Variants in FLG observed in about 807,000 individuals in gnomAD.
FLG encodes epidermal filaggrin.
A neutral mutation model predicts 3.8 loss-of-function variants in FLG; 6 were observed. The ratio of observed to expected loss-of-function variants is 1.60; its 90% CI spans 0.87 to 3.15. The LOEUF (loss-of-function observed/expected upper bound fraction) is 3.15, where lower values mean the gene tolerates loss of function less well. Ranked by LOEUF, FLG falls within the 30% of genes most tolerant of loss-of-function variation. FLG has a pLI of 0.00. For missense variants in FLG, 7,595 were observed against 5,050.9 expected (o/e 1.50, Z -15.27); for synonymous variants, 2,551 against 1,931.6 (o/e 1.32, Z -8.41).
chr1:152,304,509 G>T lies in FLG; in HGVS notation c.10377C>A (p.His3459Gln), dbSNP rs1456835232. ...TGGTGTGGCTGTGATGGGACCCTGAGTGTCCAGACCTATCTACCGATTGCT... is the reference window on the plus strand; with the variant it reads ...TGGTGTGGCTGTGATGGGACCCTGATTGTCCAGACCTATCTACCGATTGCT... ...HYEQSVDRSG[H>Q]SGSHHSHTTS... is the part of the protein sequence containing the mutation. Residue 3459 changes from histidine (H) to glutamine (Q), a missense_variant, in exon 3 of 3, where the codon CAC (histidine) becomes CAA (glutamine). By Grantham distance (24) the His-to-Gln change is conservative. Coordinates refer to ENST00000368799, the MANE Select transcript of FLG (RefSeq NM_002016.2). 2 of 1,612,900 alleles carry T rather than the reference G, an allele frequency of 1.2e-6. No individual in the cohort carries two copies.
In FLG at chr1:152,314,489, T is replaced by A; in HGVS notation, c.397A>T (p.Asn133Tyr). 1 of 1,613,790 alleles carries A rather than the reference T, an allele frequency of 6.2e-7. No homozygotes were observed. Among genetic ancestry groups the A allele is most frequent in the Non-Finnish European group, 8.5e-7 (1 of 1,179,852 alleles). ...GATCTTCCCTTATTCCCTTTTCTATTGTTTCTTCTTTCCAGACTTGAGGGT... is the reference window on the plus strand; with the variant it reads ...GATCTTCCCTTATTCCCTTTTCTATAGTTTCTTCTTTCCAGACTTGAGGGT... ...KRPSSLERRN[N>Y]RKGNKGRSKS... Residue 133 changes from asparagine to tyrosine, a missense_variant, in exon 3 of 3, where the codon AAT becomes TAT. Transcript: ENST00000368799.
In FLG at chr1:152,304,573, G is replaced by A. The variant is rs371915215; in HGVS notation, c.10313C>T (p.Pro3438Leu). 2.2e-5 allele frequency: 36 copies of A among 1,610,316 alleles called. No homozygotes were observed. Among genetic ancestry groups the A allele is most frequent in the African/African-American group, 1.6e-4 (12 of 74,386 alleles). Residue 3438 changes from proline to leucine, a missense_variant, in exon 3 of 3, where the codon CCG becomes CTG. By Grantham distance (98) the Pro-to-Leu change is moderately conservative (BLOSUM62 -3). Coordinates refer to ENST00000368799, the MANE Select transcript of FLG (RefSeq NM_002016.2). ...CTGCCTTCCTCTTCTGCTTGACCCC[G>A]GGTGTCCACGAATGGTGTCCTGACC... is the stretch of plus-strand genomic sequence containing the variant. ...QEGQDTIRGHPGSSRRGRQGS... is the reference protein window; with the variant it reads ...QEGQDTIRGHLGSSRRGRQGS...
Position 152,310,002 on chromosome 1 carries a change from A to G in FLG, c.4884T>C (p.His1628=), listed in dbSNP as rs748626221. ...HYGSAREQSR[H]GSRNPRSHQE... ...GATGGGACCTGGGGTTCCTGGAGCC[A>G]TGTCTTGACTGCTCCCGAGCAGATC... The change falls in exon 3 of 3, where the codon CAT becomes CAC. Residue 1628 remains histidine, a synonymous_variant. Coordinates refer to ENST00000368799, the MANE Select transcript of FLG (RefSeq NM_002016.2). 7.2e-5 allele frequency: 116 copies of G among 1,613,810 alleles called. 1 individual carries two copies. The highest frequency in any genetic ancestry group is 7.8e-5 in the Non-Finnish European group (92 of 1,179,990).
Position 152,309,552 on chromosome 1 carries a change from G to T in FLG, c.5334C>A (p.Ala1778=), listed in dbSNP as rs768385534. ...QVSTHEQSES[A]HGRTGPSTGG... is the part of the protein sequence containing the mutation. ...CAGTGCTGGGCCCTGTGCGTCCATG[G>T]GCGGACTCAGACTGTTCATGAGTGC... Residue 1778 remains alanine, a synonymous_variant, in exon 3 of 3, where the codon GCC becomes GCA. Coordinates refer to ENST00000368799, the MANE Select transcript of FLG (RefSeq NM_002016.2). 1 of 1,613,842 alleles carries T rather than the reference G, an allele frequency of 6.2e-7. No homozygotes were observed. The highest frequency in any genetic ancestry group is 8.5e-7 in the Non-Finnish European group (1 of 1,179,948).
Position 152,314,083 on chromosome 1 carries a change from G to A in FLG, c.803C>T (p.Ser268Leu). 2 of 1,614,194 alleles carry A rather than the reference G, an allele frequency of 1.2e-6. No individual in the cohort carries two copies. The highest frequency in any genetic ancestry group is 1.7e-6 in the Non-Finnish European group (2 of 1,180,026). The change falls in exon 3 of 3, where the codon TCA (serine) becomes TTA (leucine). Residue 268 changes from serine (S) to leucine (L), a missense_variant. Ser to Leu is a moderately radical substitution (Grantham distance 145). Coordinates refer to ENST00000368799, the MANE Select transcript of FLG (RefSeq NM_002016.2). ...ERSRSSDGKSSSQVNRSRHEN... is the reference protein window; with the variant it reads ...ERSRSSDGKSLSQVNRSRHEN... ...ATGTCTTGACCTGTTCACTTGAGATGATGATTTGCCATCAGATGACCTTGA... is the reference window on the plus strand; with the variant it reads ...ATGTCTTGACCTGTTCACTTGAGATAATGATTTGCCATCAGATGACCTTGA...
Position 152,313,523 on chromosome 1 carries a change from G to A in FLG, c.1363C>T (p.Arg455Cys), listed in dbSNP as rs757922040. Residue 455 changes from arginine (R) to cysteine (C), a missense_variant, in exon 3 of 3, where the codon CGT becomes TGT. Transcript: ENST00000368799. ...LRQQSHQEST[R>C]GRSGERSGRS... is the part of the protein sequence containing the mutation. ...CCAGACCGTTCCCCTGACCGGCCACGTGTGGACTCTTGGTGGCTCTGCTGT... is the reference window on the plus strand; with the variant it reads ...CCAGACCGTTCCCCTGACCGGCCACATGTGGACTCTTGGTGGCTCTGCTGT... The A allele has an allele frequency of 7.4e-6, 12 of 1,613,826 alleles. No individual in the cohort carries two copies. Among genetic ancestry groups the A allele is most frequent in the South Asian group, 5.5e-5 (5 of 91,054 alleles).
In FLG at chr1:152,304,842, T is replaced by G. The variant is rs750237149; in HGVS notation, c.10044A>C (p.Glu3348Asp). 6.2e-7 allele frequency: 1 copy of G among 1,613,876 alleles called. No homozygotes were observed. Among genetic ancestry groups the G allele is most frequent in the Non-Finnish European group, 8.5e-7 (1 of 1,179,952 alleles). ...SQASDSEGHS[E>D]ESDTQSVSGH... ...CTGACACTGACTGTGTGTCTGACTC[T>G]TCTGAATGTCCCTCACTATCACTGG... The change falls in exon 3 of 3, where the codon GAA (glutamate) becomes GAC (aspartate). Residue 3348 changes from glutamate to aspartate, a missense_variant. Glu to Asp is a conservative substitution (Grantham distance 45). Transcript: ENST00000368799.
chr1:152,311,561 C>A lies in FLG; in HGVS notation c.3325G>T (p.Gly1109Ter). 1.2e-6 allele frequency: 2 copies of A among 1,613,958 alleles called. No individual in the cohort carries two copies. The highest frequency in any genetic ancestry group is 8.5e-7 in the Non-Finnish European group (1 of 1,180,006). ...HQESARDWSG[G>*]RSGRSGSFIY... ...AAAGACCCTGAACGTCCAGACCTTC[C>A]CCCTGACCAGTCACGTGCGGACTCT... Residue 1109 changes from glycine to a stop codon, truncating the protein, a stop_gained, in exon 3 of 3, where the codon GGA becomes TGA. Coordinates refer to ENST00000368799, the MANE Select transcript of FLG (RefSeq NM_002016.2). LOFTEE classifies it low-confidence loss of function (END_TRUNC).
At position 152,303,636 on chromosome 1, in the gene FLG, C is replaced by T. The variant is rs201725426; in HGVS notation, c.11250G>A (p.Ala3750=). The T allele has an allele frequency of 1.0e-4, 163 of 1,613,902 alleles. No individual in the cohort carries two copies. The highest frequency in any genetic ancestry group is 6.7e-4 in the Admixed American group (40 of 59,940). ...GAATGGTGTCCTGACCCTCTTGGGA[C>T]GCTGAGTGCCTGGAGCTGTCTCGTG... ...EQARDSSRHS[A]SQEGQDTIRG... is the part of the protein sequence containing the mutation. The change falls in exon 3 of 3, where the codon GCG becomes GCA. Residue 3750 remains alanine, a synonymous_variant. Transcript: ENST00000368799.
At position 152,313,160 on chromosome 1, in the gene FLG, G is replaced by T. The variant is rs746509488; in HGVS notation, c.1726C>A (p.Gln576Lys). 6 of 1,613,828 alleles carry T rather than the reference G, an allele frequency of 3.7e-6. No individual in the cohort carries two copies. Among genetic ancestry groups the T allele is most frequent in the Non-Finnish European group, 5.1e-6 (6 of 1,179,990 alleles). ...GAGTGCCTGGTGCCGTCTCCTGATT[G>T]TTCCTCATTTCGTGTTTGTCTGCTT... ...SASRQTRNEE[Q>K]SGDGTRHSGS... The change falls in exon 3 of 3, where the codon CAA becomes AAA. Residue 576 changes from glutamine (Q) to lysine (K), a missense_variant. Coordinates refer to ENST00000368799, the MANE Select transcript of FLG (RefSeq NM_002016.2).
In FLG at chr1:152,321,073, CAT is replaced by C. The variant is rs577097436; in HGVS notation, c.-22+4114_-22+4115del. 6.1e-4 allele frequency among the ~76,000 whole-genome samples: 92 copies of C among 150,748 alleles called. 1 individual carries two copies. Among genetic ancestry groups the C allele is most frequent in the African/African-American group, 2.2e-3 (92 of 41,364 alleles). ...TAGCCTATATATATATACACACACA[CAT>C]ATATACATATATACACTCACATATA... On this transcript the variant is annotated intron_variant, in intron 1 of 2. Transcript: ENST00000368799.
At chr1:152,319,304 G>A (rs1652880668) in intron 1 of FLG, among the ~76,000 whole-genome samples, 1 of 133,212 alleles carries the variant, frequency 7.5e-6, no homozygotes, top group Non-Finnish European at 1.6e-5. Flanking sequence ...AATACAACTA[G>A]AAAATGTGTG....
chr1:152,321,577 A>AAT (rs1030325084), intron 1 of FLG, among the ~76,000 whole-genome samples: 1 of 131,252 alleles, frequency 7.6e-6, no homozygotes, highest in African/African-American at 3.2e-5. Context: ...ACATAGAAGA[A>AAT]ATGTCTAGAA....
rs752353768 is a variant in FLG, at chr1:152,308,332, C to T, written c.6554G>A (p.Gly2185Glu). Residue 2185 changes from glycine (G) to glutamate (E), a missense_variant, in exon 3 of 3, where the codon GGA becomes GAA. Gly to Glu is a moderately conservative substitution (Grantham distance 98, BLOSUM62 -2). Transcript: ENST00000368799. ...GRSDASRGQS[G>E]SRSASRKTYD... ...TGTTTTTCTGCTTGCACTTCTGGATCCTGACTGCCCACGGGAGGCATCAGA... is the reference window on the plus strand; with the variant it reads ...TGTTTTTCTGCTTGCACTTCTGGATTCTGACTGCCCACGGGAGGCATCAGA... 13 of 1,613,618 alleles carry T rather than the reference C, an allele frequency of 8.1e-6. No individual in the cohort carries two copies. In the African/African-American group the frequency reaches 1.6e-4, roughly 20 times the overall value.
Position 152,310,771 on chromosome 1 carries a change from C to G in FLG, c.4115G>C (p.Gly1372Ala), listed in dbSNP as rs377623637. ...AGATGAAGCTTGTCTGTGCCCAATG[C>G]CTGAGTGTCTGGAGCTGTCTGCTGA... ...QQSADSSRHS[G>A]IGHRQASSAV... The change falls in exon 3 of 3, where the codon GGC becomes GCC. Residue 1372 changes from glycine (G) to alanine (A), a missense_variant. By Grantham distance (60) the Gly-to-Ala change is moderately conservative (BLOSUM62 0). Transcript: ENST00000368799. 2 of 1,613,728 alleles carry G rather than the reference C, an allele frequency of 1.2e-6. No individual in the cohort carries two copies. The highest frequency in any genetic ancestry group is 1.7e-5 in the Admixed American group (1 of 59,976).
chr1:152,314,007 C>G lies in FLG; in HGVS notation c.879G>C (p.Arg293Ser). Residue 293 changes from arginine to serine, a missense_variant, in exon 3 of 3, where the codon AGG becomes AGC. Arg to Ser is a moderately radical substitution (Grantham distance 110). Transcript: ENST00000368799. The stretch of plus-strand genomic sequence containing the variant: ...CCCTGTCCTGGCTAACTCTGGATCC[C>G]CTACGCTTTCTTGTCCTGGACTCCT... Reference protein sequence around the residue: ...PLQESRTRKRRGSRVSQDRDS... With the variant: ...PLQESRTRKRSGSRVSQDRDS... 1 of 1,614,162 alleles carries G rather than the reference C, an allele frequency of 6.2e-7. No individual in the cohort carries two copies. Among genetic ancestry groups the G allele is most frequent in the Non-Finnish European group, 8.5e-7 (1 of 1,180,034 alleles).
Position 152,303,663 on chromosome 1 carries a change from C to T in FLG, c.11223G>A (p.Gln3741=), listed in dbSNP as rs777544221. ...TGGRQGSRHE[Q]ARDSSRHSAS... ...CTGAGTGCCTGGAGCTGTCTCGTGC[C>T]TGCTCGTGGCGGGATCCTTGTCTTC... Residue 3741 remains glutamine (Q), a synonymous_variant, in exon 3 of 3, where the codon CAG becomes CAA. Transcript: ENST00000368799. 1 of 1,613,972 alleles carries T rather than the reference C, an allele frequency of 6.2e-7. No individual in the cohort carries two copies. The highest frequency in any genetic ancestry group is 8.5e-7 in the Non-Finnish European group (1 of 1,179,970).
Position 152,303,113 on chromosome 1 carries a change from C to T in FLG, c.11773G>A (p.Ala3925Thr), listed in dbSNP as rs773944501. 4.7e-5 allele frequency: 76 copies of T among 1,614,036 alleles called. No homozygotes were observed. The highest frequency in any genetic ancestry group is 1.1e-4 in the East Asian group (5 of 44,894). ...CTACTAAAGTGACCATGTTCCTTAG[C>T]GGTACTAGAGTCTGACTGTACAGGT... ...SSPVQSDSST[A>T]KEHGHFSSLS... Residue 3925 changes from alanine to threonine, a missense_variant, in exon 3 of 3, where the codon GCT (alanine) becomes ACT (threonine). Ala to Thr is a moderately conservative substitution (Grantham distance 58, BLOSUM62 0). Transcript: ENST00000368799.
rs748787819 is a variant in FLG at position 152,307,201 on chromosome 1, T to C, written c.7685A>G (p.Asn2562Ser). 5 of 1,611,288 alleles carry C rather than the reference T, an allele frequency of 3.1e-6. No individual in the cohort carries two copies. Among genetic ancestry groups the C allele is most frequent in the South Asian group, 1.1e-5 (1 of 91,056 alleles). The change falls in exon 3 of 3, where the codon AAC (asparagine) becomes AGC (serine). Residue 2562 changes from asparagine to serine, a missense_variant. Coordinates refer to ENST00000368799, the MANE Select transcript of FLG (RefSeq NM_002016.2). ...GTCCTGGCTAAAACTGGATCCCCAG[T>C]TCCTGCTTGTCCTGGGCCCCTCTGA... ...GQSEGPRTSR[N>S]WGSSFSQDSD...
Sources: allele counts gnomAD v4.1 joint callset (sites outside exome capture counted in the v4.1 genomes callset), GRCh38; gene constraint gnomAD v4.1.1; transcripts MANE v1.5; gene names NCBI Gene and HGNC (gene_info 2026-07-23, HGNC 2026-07-21).